The following JAK2 variants were observed in gnomAD, a reference collection of about 807,000 sequenced individuals.
JAK2 encodes tyrosine-protein kinase JAK2.
Under a neutral mutation model 139.3 loss-of-function variants are expected in JAK2, and 86 were observed. The observed-to-expected ratio is 0.62, with a 90% CI of 0.52 to 0.74. JAK2 has a LOEUF of 0.74. Among genes scored for constraint, JAK2 ranks in the 30% least tolerant of loss-of-function variants. The pLI is 0.00. For missense variants in JAK2, 1,421 were observed against 1,360.3 expected, an observed-to-expected ratio of 1.04 and a Z score of -0.70; for synonymous variants, 490 against 437.7, an observed-to-expected ratio of 1.12 and a Z score of -1.49.
chr9:5,093,128 C>G (rs1820713682), intron 22 of JAK2, among the ~76,000 whole-genome samples: 2 of 152,122 alleles, frequency 1.3e-5, no homozygotes, highest in Non-Finnish European at 2.9e-5. Flanking sequence ...ACCGCATAAG[C>G]TTACATAAGA....
At chr9:5,006,451 A>G (rs1821307391) in intron 2 of JAK2, among the ~76,000 whole-genome samples, 1 of 152,146 alleles carries the variant, frequency 6.6e-6, no homozygotes, top group African/African-American at 2.4e-5. Flanking sequence ...AAATTACTGT[A>G]TTTGTTTGTT....
intron 4 of JAK2, among the ~76,000 whole-genome samples, chr9:5,030,291 T>C (rs921314919): frequency 6.6e-6 from 1 of 152,192 alleles, no homozygotes; most frequent in South Asian, 2.1e-4. Flanking sequence ...TTTTAAAAAG[T>C]TGACGTGAAG....
intron 4 of JAK2, among the ~76,000 whole-genome samples, chr9:5,042,987 G>T (rs7033053): frequency 0.11 from 17,201 of 152,132 alleles, 2,024 homozygotes; most frequent in African/African-American, 0.3. Context: ...AGAAGCTGAG[G>T]GGGGTGGGCC....
chr9:5,054,479 G>T lies in JAK2; in HGVS notation c.615-84G>T, dbSNP rs961598199. ...AAGGCCTACTTAATCATGGAAAAAG[G>T]TGGTAACTTCTTTTTCAATTTTTAG... On this transcript the variant is annotated intron_variant, in intron 6 of 24. Transcript: ENST00000381652. This position sits in a 1 kb window ranked among gnomAD's most constrained non-coding sequence, Gnocchi z 4.9. 175 of 1,150,634 alleles carry T rather than the reference G, an allele frequency of 1.5e-4. No individual in the cohort carries two copies. The highest frequency in any genetic ancestry group is 2.1e-4 in the Non-Finnish European group (168 of 804,836). The allele number at this position is 1,150,634 out of a possible 1,614,324, so 71.3% of individuals were successfully genotyped here. A position where few individuals can be genotyped will look rare whatever the true frequency, so the allele number is the denominator to read the frequency against.
intron 22 of JAK2, among the ~76,000 whole-genome samples, chr9:5,120,806 G>A (rs538566432): frequency 9.9e-5 from 15 of 152,246 alleles, no homozygotes; most frequent in African/African-American, 3.1e-4. Context: ...TGAAAGATGC[G>A]TCAAAAATAA....
intron 8 of JAK2, among the ~76,000 whole-genome samples, chr9:5,063,415 A>C (rs748716270): frequency 2.0e-5 from 3 of 152,084 alleles, no homozygotes; most frequent in Admixed American, 6.6e-5. Flanking sequence ...TGTGGACTGG[A>C]AGTTTTCTGG....
intron 22 of JAK2, chr9:5,111,235 C>T (rs1425736305): frequency 3.5e-5 from 20 of 563,778 alleles, no homozygotes; most frequent in South Asian, 1.2e-4. Flanking sequence ...CGGGCCTATT[C>T]CTCCTTTGGT....
intron 22 of JAK2, among the ~76,000 whole-genome samples, chr9:5,101,693 A>G (rs536145257): frequency 6.6e-6 from 1 of 152,372 alleles, no homozygotes; most frequent in African/African-American, 2.4e-5. Context: ...AGGATCAGGC[A>G]GCAACATTGG....
At chr9:5,126,072 A>G (rs1318644155) in intron 23 of JAK2, 7 of 285,884 alleles carry the variant, frequency 2.4e-5, no homozygotes, top group African/African-American at 6.5e-5. Context: ...CTCAAAGGAA[A>G]TATGTTTTTA....
chr9:5,032,526 C>T lies in JAK2; in HGVS notation c.350+2620C>T, dbSNP rs9886851. On this transcript the variant is annotated intron_variant, in intron 4 of 24. Transcript: ENST00000381652. ...GGGGGAGACTGACACCTCACATGGC[C>T]GGGTACTCCTCTGAGACAAAACTTC... Among the ~76,000 whole-genome samples, 508 of 152,296 alleles carry T rather than the reference C, an allele frequency of 3.3e-3. 1 individual carries two copies. Among genetic ancestry groups the T allele is most frequent in the African/African-American group, 6.8e-3 (282 of 41,556 alleles).
chr9:5,037,597 T>C (rs1022724438), intron 4 of JAK2, among the ~76,000 whole-genome samples: 2 of 152,156 alleles, frequency 1.3e-5, no homozygotes, highest in African/African-American at 4.8e-5. Flanking sequence ...CTCAGCAAAC[T>C]ATCGCAAGGA....
At chr9:5,016,790 C>T (rs1328478746) in intron 2 of JAK2, among the ~76,000 whole-genome samples, 2 of 152,110 alleles carry the variant, frequency 1.3e-5, no homozygotes, top group African/African-American at 2.4e-5. Flanking sequence ...ATTATCCTAA[C>T]TTTTTTTCAC....
chr9:5,057,661 T>C (rs1817864898), intron 8 of JAK2, among the ~76,000 whole-genome samples: 2 of 149,990 alleles, frequency 1.3e-5, no homozygotes, highest in African/African-American at 2.5e-5. Flanking sequence ...TGGCTCACTG[T>C]AACCTGTGCC....
chr9:5,121,813 C>G (rs1158440619), intron 22 of JAK2, among the ~76,000 whole-genome samples: 1 of 151,876 alleles, frequency 6.6e-6, no homozygotes, highest in Non-Finnish European at 1.5e-5. Flanking sequence ...AGTGATAGAA[C>G]AGACAGAAAA....
chr9:5,050,397 A>C (rs1286773593), intron 5 of JAK2, among the ~76,000 whole-genome samples: 2 of 152,130 alleles, frequency 1.3e-5, no homozygotes, highest in African/African-American at 2.4e-5. Context: ...CAGCCCCCCA[A>C]GTAGCTGGGA....
chr9:5,037,667 T>C (rs946824649), intron 4 of JAK2, among the ~76,000 whole-genome samples: 26 of 151,902 alleles, frequency 1.7e-4, no homozygotes, highest in Non-Finnish European at 2.9e-4. Flanking sequence ...TGAGAACACA[T>C]GGACACAGGA....
chr9:5,039,699 C>G (rs1028779331), intron 4 of JAK2, among the ~76,000 whole-genome samples: 1 of 151,736 alleles, frequency 6.6e-6, no homozygotes, highest in South Asian at 2.1e-4. Flanking sequence ...AGACAAAGAA[C>G]AATCCAAAAA....
At chr9:5,053,787 C>G (rs1464990597) in intron 6 of JAK2, among the ~76,000 whole-genome samples, 1 of 151,878 alleles carries the variant, frequency 6.6e-6, no homozygotes, top group Non-Finnish European at 1.5e-5. Context: ...GATTCTACAT[C>G]TAATATGCCA....
In JAK2 at chr9:5,021,820, A is replaced by G. The variant is rs140083683; in HGVS notation, c.-25-143A>G. On this transcript the variant is annotated intron_variant, in intron 2 of 24. Transcript: ENST00000381652. ...TTTTCTTTTGTATGTTTTTGTAGAG[A>G]TGAGGTTTCACCATGTTGCTGAGGC... 2.1e-3 allele frequency: 1,216 copies of G among 585,754 alleles called. 1 individual carries two copies. Among genetic ancestry groups the G allele is most frequent in the Non-Finnish European group, 3.0e-3 (979 of 330,616 alleles). The allele number at this position is 585,754 out of a possible 1,614,324, so 36.3% of individuals were successfully genotyped here.
Sources: allele counts gnomAD v4.1 joint callset (sites outside exome capture counted in the v4.1 genomes callset), GRCh38; gene constraint gnomAD v4.1.1; non-coding constraint Gnocchi (gnomAD v3.1); transcripts MANE v1.5; gene names NCBI Gene and HGNC (gene_info 2026-07-23, HGNC 2026-07-21).